The following MALRD1 variants were observed in gnomAD, a reference collection of about 807,000 sequenced individuals.
The protein encoded by MALRD1 is MAM and LDL-receptor class A domain-containing protein 1.
A neutral mutation model predicts 242.1 loss-of-function variants in MALRD1; 247 were observed. That is an observed-to-expected ratio of 1.02 (90% CI 0.92 to 1.13). The LOEUF (loss-of-function observed/expected upper bound fraction) is 1.13, where lower values mean the gene tolerates loss of function less well. Among genes scored for constraint, MALRD1 ranks in the 50% most tolerant of loss-of-function variants. The probability of loss-of-function intolerance (pLI) is 0.00; values close to 1 mark genes in which losing one functional copy is unlikely to be tolerated. For synonymous variants in MALRD1, 995 were observed against 866.6 expected (o/e 1.15, Z -2.60); for missense variants, 2,989 against 2,533.1 (o/e 1.18, Z -3.86).
intron 1 of MALRD1, among the ~76,000 whole-genome samples, chr10:19,053,194 T>C (rs1013522981): frequency 6.6e-6 from 1 of 152,192 alleles, no homozygotes; most frequent in Non-Finnish European, 1.5e-5. Flanking sequence ...TCTTTGGTGG[T>C]TGAACGTGGA....
intron 26 of MALRD1, among the ~76,000 whole-genome samples, chr10:19,367,784 T>C (rs920803566): frequency 2.6e-4 from 39 of 152,120 alleles, no homozygotes; most frequent in African/African-American, 9.4e-4. Context: ...TTTTGTCTTA[T>C]TGTATAATAG....
rs113590966 is a variant in MALRD1, at chr10:19,423,356, T to C, written c.4846-26951T>C. On this transcript the variant is annotated intron_variant, in intron 28 of 39. Coordinates refer to ENST00000454679, the MANE Select transcript of MALRD1 (RefSeq NM_001142308.3). ...ATGATGATTTCTACTATTTTTAAGG[T>C]AGACTATTTCCCCAATAATTAAGAA... Among the ~76,000 whole-genome samples, 803 of 152,132 alleles carry C rather than the reference T, an allele frequency of 5.3e-3. 7 individuals carry two copies. Among genetic ancestry groups the C allele is most frequent in the African/African-American group, 0.018 (766 of 41,516 alleles).
chr10:19,436,773 CT>C (rs1834366695), intron 28 of MALRD1, among the ~76,000 whole-genome samples: 1 of 152,080 alleles, frequency 6.6e-6, no homozygotes, highest in South Asian at 2.1e-4. Flanking sequence ...CCTAAATGAT[CT>C]TTTTAAATGG....
At chr10:19,442,188 C>T (rs899099371) in intron 28 of MALRD1, among the ~76,000 whole-genome samples, 1 of 151,920 alleles carries the variant, frequency 6.6e-6, no homozygotes. Flanking sequence ...GATTTTGTAC[C>T]CTGAGATTTT....
At chr10:19,243,486 T>C (rs535027407) in intron 18 of MALRD1, among the ~76,000 whole-genome samples, 2 of 152,304 alleles carry the variant, frequency 1.3e-5, no homozygotes, top group East Asian at 3.9e-4. Flanking sequence ...ATTTCAGTAG[T>C]AATTGAAGCA....
At chr10:19,575,160 C>T (rs1469740744) in intron 33 of MALRD1, among the ~76,000 whole-genome samples, 1 of 152,144 alleles carries the variant, frequency 6.6e-6, no homozygotes, top group East Asian at 1.9e-4. Context: ...TATGGATTTT[C>T]TTCAACCAAA....
At chr10:19,210,238 CTGTTAACA>C (rs1836990139) in intron 18 of MALRD1, among the ~76,000 whole-genome samples, 1 of 152,144 alleles carries the variant, frequency 6.6e-6, no homozygotes, top group South Asian at 2.1e-4. Context: ...GCGTATGTGG[CTGTTAACA>C]GTTTTGTAAA....
intron 24 of MALRD1, among the ~76,000 whole-genome samples, chr10:19,346,499 A>G (rs1844130306): frequency 6.6e-6 from 1 of 152,170 alleles, no homozygotes; most frequent in African/African-American, 2.4e-5. Flanking sequence ...GTTCTTTTCA[A>G]GTATTTTTAA....
intron 21 of MALRD1, among the ~76,000 whole-genome samples, chr10:19,287,991 T>A (rs1251357627): frequency 3.9e-5 from 6 of 152,046 alleles, no homozygotes; most frequent in East Asian, 3.8e-4. Context: ...TTTATGAATT[T>A]AAAAAAATTA....
At chr10:19,588,863 G>C (rs1318337331) in intron 33 of MALRD1, among the ~76,000 whole-genome samples, 1 of 152,214 alleles carries the variant, frequency 6.6e-6, no homozygotes, top group Non-Finnish European at 1.5e-5. Context: ...GGCTGATCTT[G>C]AACTGTTGAC....
At chr10:19,627,521 T>G (rs1465630772) in intron 36 of MALRD1, among the ~76,000 whole-genome samples, 1 of 151,978 alleles carries the variant, frequency 6.6e-6, no homozygotes, top group Non-Finnish European at 1.5e-5. Context: ...GTGGATTACC[T>G]GAGGTCAGGT....
At chr10:19,212,419 T>C (rs1837111109) in intron 18 of MALRD1, among the ~76,000 whole-genome samples, 1 of 152,226 alleles carries the variant, frequency 6.6e-6, no homozygotes, top group Non-Finnish European at 1.5e-5. Context: ...TTTAGTATAA[T>C]TATTTTGAGA....
At position 19,389,586 on chromosome 10, in the gene MALRD1, G is replaced by A. The variant is rs1846248490; in HGVS notation, c.4822G>A (p.Gly1608Arg). ...FWYFVSAKAT[G>R]SIQILIKTEK... ...GTATTTCGTATCTGCAAAGGCCACA[G>A]GATCCATTCAGATTCTCATCAAGGT... Residue 1608 changes from glycine to arginine, a missense_variant, in exon 28 of 40, where the codon GGA becomes AGA. By Grantham distance (125) the Gly-to-Arg change is moderately radical. Coordinates refer to ENST00000454679, the MANE Select transcript of MALRD1 (RefSeq NM_001142308.3). 1.5e-5 allele frequency: 23 copies of A among 1,550,398 alleles called. No individual in the cohort carries two copies. The highest frequency in any genetic ancestry group is 1.9e-5 in the Non-Finnish European group (22 of 1,146,836).
At chr10:19,227,615 T>C (rs181734338) in intron 18 of MALRD1, among the ~76,000 whole-genome samples, 16 of 152,086 alleles carry the variant, frequency 1.1e-4, no homozygotes, top group Non-Finnish European at 2.4e-4. Context: ...AAATTGGACT[T>C]CATGAAATTA....
At chr10:19,518,839 A>G (rs180880076) in intron 31 of MALRD1, among the ~76,000 whole-genome samples, 1 of 152,336 alleles carries the variant, frequency 6.6e-6, no homozygotes, top group Admixed American at 6.5e-5. Context: ...CCATTCATGA[A>G]TCACTCACAA....
At chr10:19,273,547 C>G (rs1299493400) in intron 19 of MALRD1, among the ~76,000 whole-genome samples, 1 of 152,036 alleles carries the variant, frequency 6.6e-6, no homozygotes, top group African/African-American at 2.4e-5. Context: ...AAATATTATT[C>G]AATGCTAAAT....
intron 12 of MALRD1, among the ~76,000 whole-genome samples, chr10:19,157,915 A>C (rs1242240238): frequency 6.6e-6 from 1 of 152,178 alleles, no homozygotes; most frequent in Non-Finnish European, 1.5e-5. Flanking sequence ...ATTACCTTGT[A>C]CTTTATATGT....
chr10:19,173,945 C>T (rs1835115331), intron 13 of MALRD1, among the ~76,000 whole-genome samples: 1 of 151,868 alleles, frequency 6.6e-6, no homozygotes, highest in Non-Finnish European at 1.5e-5. Context: ...GGCTGGAAGC[C>T]CTATAACAAA....
At chr10:19,315,617 T>C (rs1417706981) in intron 21 of MALRD1, among the ~76,000 whole-genome samples, 1 of 122,598 alleles carries the variant, frequency 8.2e-6, no homozygotes, top group Non-Finnish European at 1.6e-5. Flanking sequence ...TAAATATTTA[T>C]ATAAATTATA....
Sources: gnomAD v4.1 joint callset for allele counts (sites outside exome capture counted in the v4.1 genomes callset) on GRCh38, gnomAD v4.1.1 for gene constraint, MANE v1.5 for transcripts, NCBI Gene and HGNC (gene_info 2026-07-23, HGNC 2026-07-21) for gene names.